Variants in NCOA4 observed in about 807,000 individuals in gnomAD.
NCOA4 encodes nuclear receptor coactivator 4.
Under a neutral mutation model 69.5 loss-of-function variants are expected in NCOA4, and 31 were observed. The ratio of observed to expected loss-of-function variants is 0.45; its 90% CI spans 0.34 to 0.60. The LOEUF (loss-of-function observed/expected upper bound fraction) is 0.60. NCOA4 is among the 20% of genes least tolerant of loss of function. The pLI is 0.02. For synonymous variants in NCOA4, 228 were observed against 252.4 expected, an observed-to-expected ratio of 0.90 and a Z score of 0.92; for missense variants, 600 against 719.2, an observed-to-expected ratio of 0.83 and a Z score of 1.90.
rs1554921393 is a variant in NCOA4, at chr10:46,011,115, T to A, written c.806A>T (p.Tyr269Phe). The change falls in exon 8 of 10, where the codon TAT becomes TTT. Residue 269 changes from tyrosine (Y) to phenylalanine (F), a missense_variant. By Grantham distance (22) the Tyr-to-Phe change is conservative. Coordinates refer to ENST00000581486, the MANE Select transcript of NCOA4 (RefSeq NM_001145263.2). ...NWLLKSEKSS[Y>F]QKCNSHSTTS... ...AGTGGAATGGCTGTTACACTTTTGA[T>A]AACTTGATTTTTCACTCTTGAGGAG... The A allele has an allele frequency of 6.2e-7, 1 of 1,613,878 alleles. No homozygotes were observed. The highest frequency in any genetic ancestry group is 2.2e-5 in the East Asian group (1 of 44,890).
chr10:46,015,433 A>G (rs1222089736), intron 2 of NCOA4, among the ~76,000 whole-genome samples, 167 bp from the exon 3 acceptor site: 4 of 152,158 alleles, frequency 2.6e-5, no homozygotes, highest in Non-Finnish European at 5.9e-5. Context: ...GAAAAAATGT[A>G]TATTTTCAAG....
intron 1 of NCOA4, among the ~76,000 whole-genome samples, chr10:46,024,495 T>G (rs1840056184): frequency 6.6e-6 from 1 of 152,210 alleles, no homozygotes; most frequent in African/African-American, 2.4e-5. Context: ...TACTCCCCTA[T>G]GTATATGTTC....
At chr10:46,023,430 G>A (rs1840002056) in intron 1 of NCOA4, 3 of 985,550 alleles carry the variant, frequency 3.0e-6, no homozygotes, top group Non-Finnish European at 3.6e-6. Flanking sequence ...GCCTCGTCCC[G>A]CCCACGCGTC....
intron 1 of NCOA4, chr10:46,027,448 G>A (rs1840225282): frequency 1.3e-6 from 2 of 1,551,466 alleles, no homozygotes; most frequent in Non-Finnish European, 1.7e-6. Flanking sequence ...GAGCAAAAGT[G>A]GTCAACTGGG....
At chr10:46,011,468 G>C (rs1290467509) in intron 7 of NCOA4, among the ~76,000 whole-genome samples, 1 of 151,276 alleles carries the variant, frequency 6.6e-6, no homozygotes, top group Non-Finnish European at 1.5e-5. Context: ...GTAGAGACGG[G>C]GTTTCACCGT....
intron 8 of NCOA4, 118 bp downstream of exon 8, chr10:46,010,105 T>G (rs1554920795): frequency 7.9e-7 from 1 of 1,261,996 alleles, no homozygotes; most frequent in Non-Finnish European, 1.1e-6. Flanking sequence ...GAAGGGGAGG[T>G]TGCAATGAGC....
At chr10:46,009,979 G>A (rs2132318112) in intron 8 of NCOA4, among the ~76,000 whole-genome samples, 1 of 152,158 alleles carries the variant, frequency 6.6e-6, no homozygotes, top group Non-Finnish European at 1.5e-5. Flanking sequence ...ACCAGCCCAG[G>A]CCAAAACCCC....
At chr10:46,017,633 G>A (rs1472999919) in intron 1 of NCOA4, among the ~76,000 whole-genome samples, 2 of 152,190 alleles carry the variant, frequency 1.3e-5, no homozygotes, top group South Asian at 2.1e-4. Flanking sequence ...AAAAGAATGT[G>A]CATTATATGT....
chr10:46,029,933 A>C lies in NCOA4; in HGVS notation c.-15+593T>G, dbSNP rs568245931. Among the ~76,000 whole-genome samples the C allele has an allele frequency of 1.4e-4, 22 of 152,342 alleles. No individual in the cohort carries two copies. In the South Asian group the frequency reaches 1.5e-3, roughly 10 times the overall value. On this transcript the variant is annotated intron_variant, in intron 1 of 9. Transcript: ENST00000581486. The stretch of plus-strand genomic sequence containing the variant: ...AGCAAGCCTTACTCTTCTCAGCTGT[A>C]AAACAGAGATAATCAAGCTACTTTT...
chr10:46,028,457 C>T (rs1170731649), intron 1 of NCOA4, among the ~76,000 whole-genome samples: 3 of 151,136 alleles, frequency 2.0e-5, no homozygotes, highest in Non-Finnish European at 2.9e-5. Flanking sequence ...TACATCTAGT[C>T]TACTATGTGC....
At chr10:46,019,589 CG>C (rs1839755334) in intron 1 of NCOA4, 1 of 910,174 alleles carries the variant, frequency 1.1e-6, no homozygotes, top group Non-Finnish European at 1.3e-6. Context: ...CCGGAACATA[CG>C]GGAGACAAAC....
chr10:46,020,734 G>A (rs1486974579), intron 1 of NCOA4, among the ~76,000 whole-genome samples: 1 of 152,130 alleles, frequency 6.6e-6, no homozygotes, highest in African/African-American at 2.4e-5. Context: ...TATATACCAA[G>A]TATGGATATT....
At position 46,010,255 on chromosome 10, in the gene NCOA4, C is replaced by T; in HGVS notation, c.1666G>A (p.Glu556Lys). Residue 556 changes from glutamate (E) to lysine (K), a missense_variant, in exon 8 of 10, where the codon GAA (glutamate) becomes AAA (lysine). Coordinates refer to ENST00000581486, the MANE Select transcript of NCOA4 (RefSeq NM_001145263.2). ...MGNLSQLSSG[E>K]DKWLLRKKAQ... ...TTCTTTCGAAGCAGCCACTTGTCTT[C>T]TCCAGAAGATAACTGGCTGAGGTTG... 6.2e-7 allele frequency: 1 copy of T among 1,612,364 alleles called. No individual in the cohort carries two copies.
Position 46,014,950 on chromosome 10 carries a change from A to G in NCOA4, c.283-8T>C. ...ATTGAACTGGCCCAATAACTAAAAGAAAAATGAAACCAACTAGCCACAATG... is the reference window on the plus strand; with the variant it reads ...ATTGAACTGGCCCAATAACTAAAAGGAAAATGAAACCAACTAGCCACAATG... On this transcript the variant is annotated splice_region_variant and splice_polypyrimidine_tract_variant and intron_variant, in intron 3 of 9. Coordinates refer to ENST00000581486, the MANE Select transcript of NCOA4 (RefSeq NM_001145263.2). The G allele has an allele frequency of 6.2e-7, 1 of 1,612,496 alleles. No individual in the cohort carries two copies. The highest frequency in any genetic ancestry group is 8.5e-7 in the Non-Finnish European group (1 of 1,179,004).
chr10:46,026,397 C>A (rs1480693403), intron 1 of NCOA4, among the ~76,000 whole-genome samples: 1 of 152,132 alleles, frequency 6.6e-6, no homozygotes, highest in Non-Finnish European at 1.5e-5. Flanking sequence ...TATTTTACAG[C>A]CAACTCTGGA....
chr10:46,027,287 A>G (rs1554925696), intron 1 of NCOA4: 1 of 734,388 alleles, frequency 1.4e-6, no homozygotes. Context: ...AAAAAAAAAA[A>G]AGAATGATTA....
In NCOA4 at chr10:46,016,604, T is replaced by C. The variant is rs1839566283; in HGVS notation, c.77A>G (p.Asp26Gly). 2.6e-6 allele frequency: 4 copies of C among 1,566,102 alleles called. No individual in the cohort carries two copies. Among genetic ancestry groups the C allele is most frequent in the Non-Finnish European group, 2.6e-6 (3 of 1,150,172 alleles). ...PLLRCSDARR[D>G]LELAIGGVLR... ...AACTCCACCAATAGCAAGCTCCAAG[T>C]CCCTCCGTGCATCACTACACCTCAA... The change falls in exon 2 of 10, where the codon GAC becomes GGC. Residue 26 changes from aspartate (D) to glycine (G), a missense_variant. Asp to Gly is a moderately conservative substitution (Grantham distance 94). Coordinates refer to ENST00000581486, the MANE Select transcript of NCOA4 (RefSeq NM_001145263.2).
At position 46,010,275 on chromosome 10, in the gene NCOA4, A is replaced by G. The variant is rs782767016; in HGVS notation, c.1646T>C (p.Leu549Pro). ...WVLPGKKMGN[L>P]SQLSSGEDKW... ...GTCTTCTCCAGAAGATAACTGGCTGAGGTTGCCCATCTTCTTTCCTGGCAG... is the reference window on the plus strand; with the variant it reads ...GTCTTCTCCAGAAGATAACTGGCTGGGGTTGCCCATCTTCTTTCCTGGCAG... The change falls in exon 8 of 10, where the codon CTC becomes CCC. Residue 549 changes from leucine (L) to proline (P), a missense_variant. Physicochemically the swap from Leu to Pro is moderately conservative, Grantham distance 98. Transcript: ENST00000581486. 1.2e-6 allele frequency: 2 copies of G among 1,613,730 alleles called. No homozygotes were observed.
At chr10:46,009,650 G>T in intron 8 of NCOA4, 99 bp from the exon 9 acceptor site, 2 of 1,164,674 alleles carry the variant, frequency 1.7e-6, no homozygotes, top group Non-Finnish European at 2.4e-6. Flanking sequence ...TTTAAATGTT[G>T]GCCATTCTCT....
Sources: allele counts gnomAD v4.1 joint callset (sites outside exome capture counted in the v4.1 genomes callset), GRCh38; gene constraint gnomAD v4.1.1; transcripts MANE v1.5; gene names NCBI Gene and HGNC (gene_info 2026-07-23, HGNC 2026-07-21).